The following MARCHF10 variants were observed in gnomAD, a reference collection of about 807,000 sequenced individuals.
MARCHF10 encodes the protein membrane associated ring-CH-type finger 10.
In MARCHF10, 64 loss-of-function variants were observed where a neutral mutation model predicts 76.2. The ratio of observed to expected loss-of-function variants is 0.84; its 90% confidence interval spans 0.69 to 1.03. The LOEUF (loss-of-function observed/expected upper bound fraction) is 1.03. MARCHF10 is among the 50% of genes least tolerant of loss of function. The probability of loss-of-function intolerance (pLI) is 0.00; values close to 1 mark genes in which losing one functional copy is unlikely to be tolerated. For missense variants in MARCHF10, 875 were observed against 958.0 expected (o/e 0.91, Z 1.14); for synonymous variants, 340 against 357.5 (o/e 0.95, Z 0.55).
chr17:62,799,812 T>A (rs959631760), intron 2 of MARCHF10, among the ~76,000 whole-genome samples: 43 of 152,168 alleles, frequency 2.8e-4, no homozygotes, highest in African/African-American at 9.6e-4. Flanking sequence ...AGTGTGACAC[T>A]TCCGTACTTT....
chr17:62,724,735 A>C (rs114191915), intron 7 of MARCHF10, among the ~76,000 whole-genome samples: 3,985 of 152,292 alleles, frequency 0.026, 217 homozygotes, highest in African/African-American at 0.092. Flanking sequence ...AAACCAAAAC[A>C]AAAACAAACA....
intron 2 of MARCHF10, among the ~76,000 whole-genome samples, chr17:62,797,002 C>G (rs1202355562): frequency 1.3e-5 from 2 of 151,756 alleles, no homozygotes; most frequent in South Asian, 4.2e-4. Flanking sequence ...GACAACAGAG[C>G]AAGACCATGT....
At chr17:62,795,150 G>C (rs996915828) in intron 2 of MARCHF10, 12 of 510,408 alleles carry the variant, frequency 2.4e-5, no homozygotes, top group African/African-American at 1.0e-4. Context: ...CGCCTATCGT[G>C]TCCTTGAACA....
intron 2 of MARCHF10, among the ~76,000 whole-genome samples, chr17:62,794,296 A>G (rs1199975751): frequency 6.6e-6 from 1 of 151,996 alleles, no homozygotes; most frequent in Non-Finnish European, 1.5e-5. Context: ...CTCCACCACC[A>G]CTGCCACTCC....
intron 2 of MARCHF10, chr17:62,795,115 A>C: frequency 2.1e-6 from 2 of 950,770 alleles, no homozygotes; most frequent in Non-Finnish European, 2.5e-6. Context: ...GGACAACTCC[A>C]AACCCTTGCC....
At chr17:62,757,637 G>T (rs554177384) in intron 4 of MARCHF10, among the ~76,000 whole-genome samples, 171 of 152,274 alleles carry the variant, frequency 1.1e-3, no homozygotes, top group Non-Finnish European at 4.1e-4. Context: ...TGCAGCAACT[G>T]CCATCCATCA....
chr17:62,741,267 C>T lies in MARCHF10; in HGVS notation c.535+3109G>A, dbSNP rs575235075. On this transcript the variant is annotated intron_variant, in intron 5 of 10. Transcript: ENST00000311269. Reference sequence around the variant, plus strand: ...GGTTGTTTTGAGGTTTGACTGTCAGCGATTACAATGTGATAAATGTCCTTG... The same window carrying T: ...GGTTGTTTTGAGGTTTGACTGTCAGTGATTACAATGTGATAAATGTCCTTG... Among the ~76,000 whole-genome samples the T allele has an allele frequency of 1.2e-4, 18 of 152,282 alleles. No homozygotes were observed. In the South Asian group the frequency reaches 1.9e-3, roughly 16 times the overall value.
chr17:62,762,305 T>A (rs1016648545), intron 3 of MARCHF10, among the ~76,000 whole-genome samples: 1 of 152,240 alleles, frequency 6.6e-6, no homozygotes, highest in African/African-American at 2.4e-5. Context: ...TGTGAATACA[T>A]CCTTCTCTGG....
At chr17:62,780,670 T>C (rs1202195791) in intron 3 of MARCHF10, among the ~76,000 whole-genome samples, 1 of 152,208 alleles carries the variant, frequency 6.6e-6, no homozygotes, top group Non-Finnish European at 1.5e-5. Context: ...AATGGTGCAC[T>C]TAAAAAACTG....
At chr17:62,743,829 T>C (rs1435865078) in intron 5 of MARCHF10, among the ~76,000 whole-genome samples, 1 of 152,104 alleles carries the variant, frequency 6.6e-6, no homozygotes, top group Non-Finnish European at 1.5e-5. Flanking sequence ...CATAGATTCG[T>C]TCCAATATTG....
chr17:62,800,511 C>G (rs534611789), intron 2 of MARCHF10, among the ~76,000 whole-genome samples: 1 of 152,158 alleles, frequency 6.6e-6, no homozygotes, highest in Admixed American at 6.5e-5. Context: ...GTTTCCAGCC[C>G]TAAAGCTAAG....
chr17:62,785,060 A>C (rs1262070746), intron 3 of MARCHF10, among the ~76,000 whole-genome samples: 4 of 152,210 alleles, frequency 2.6e-5, no homozygotes, highest in Non-Finnish European at 5.9e-5. Flanking sequence ...AAGAACCCTC[A>C]TTGCCAAGAC....
At chr17:62,770,112 G>A (rs998633334) in intron 3 of MARCHF10, among the ~76,000 whole-genome samples, 5 of 152,176 alleles carry the variant, frequency 3.3e-5, no homozygotes, top group Admixed American at 2.6e-4. Context: ...AAGTGAGAAC[G>A]TGTGGTATTT....
chr17:62,738,257 G>T lies in MARCHF10; in HGVS notation c.536-925C>A, dbSNP rs1375042806. On this transcript the variant is annotated intron_variant, in intron 5 of 10. Coordinates refer to ENST00000311269, the MANE Select transcript of MARCHF10 (RefSeq NM_152598.4). The surrounding 1 kb of genome is among the most constrained non-coding windows in gnomAD (Gnocchi z 4.0). ...GAACCCACGCCTGCTCGATACTAGG[G>T]TTTGTGTTCTTAACCACCACCCTGT... Among the ~76,000 whole-genome samples, 1 of 152,168 alleles carries T rather than the reference G, an allele frequency of 6.6e-6. No individual in the cohort carries two copies. Among genetic ancestry groups the T allele is most frequent in the Non-Finnish European group, 1.5e-5 (1 of 68,032 alleles).
intron 4 of MARCHF10, among the ~76,000 whole-genome samples, chr17:62,759,150 T>C (rs1407799008): frequency 6.6e-6 from 1 of 152,244 alleles, no homozygotes; most frequent in Non-Finnish European, 1.5e-5. Flanking sequence ...CTCTTGGCTA[T>C]AAATTATGCT....
intron 8 of MARCHF10, among the ~76,000 whole-genome samples, chr17:62,720,860 ATTTTTTT>A (rs56688878): frequency 5.7e-5 from 5 of 87,992 alleles, no homozygotes; most frequent in African/African-American, 1.8e-4. Context: ...GTAAGTTGTG[ATTTTTTT>A]TTTTTTTTTT....
chr17:62,803,681 GGC>G (rs2093116247), intron 1 of MARCHF10, among the ~76,000 whole-genome samples: 1 of 152,034 alleles, frequency 6.6e-6, no homozygotes, highest in South Asian at 2.1e-4. Context: ...CACCACACCC[GGC>G]TAATTTTTTA....
rs921870400 is a variant in MARCHF10 at position 62,701,330 on chromosome 17, G to A, written c.*373C>T. ...GAACGAAGCTGGGAGAATAATGTCA[G>A]TTTACTGAATGAATACATGGCTCGA... is the stretch of plus-strand genomic sequence containing the variant. On this transcript the variant is annotated 3_prime_UTR_variant, in exon 11 of 11. Transcript: ENST00000311269. 2 of 261,714 alleles carry A rather than the reference G, an allele frequency of 7.6e-6. No individual in the cohort carries two copies. The highest frequency in any genetic ancestry group is 1.5e-5 in the Non-Finnish European group (2 of 134,198). The allele number at this position is 261,714 out of a possible 1,614,324, so 16.2% of individuals were successfully genotyped here.
intron 2 of MARCHF10, among the ~76,000 whole-genome samples, chr17:62,794,007 C>T (rs1341457011): frequency 1.3e-5 from 2 of 151,350 alleles, no homozygotes; most frequent in African/African-American, 2.4e-5. Flanking sequence ...TCCATCATGA[C>T]CACCATCACC....
Sources: allele counts gnomAD v4.1 joint callset (sites outside exome capture counted in the v4.1 genomes callset), GRCh38; gene constraint gnomAD v4.1.1; non-coding constraint Gnocchi (gnomAD v3.1); transcripts MANE v1.5; gene names NCBI Gene and HGNC (gene_info 2026-07-23, HGNC 2026-07-21).